Variants in ARHGAP44 observed in about 807,000 individuals in gnomAD.
The protein encoded by ARHGAP44 is rho GTPase-activating protein 44.
ARHGAP44 carries 43 observed loss-of-function variants against 106.8 expected under a neutral mutation model. The observed-to-expected ratio is 0.40, with a 90% CI of 0.32 to 0.52. ARHGAP44 has a LOEUF of 0.52. ARHGAP44 is among the 20% of genes least tolerant of loss of function. The probability of loss-of-function intolerance (pLI) is 0.48; values close to 1 mark genes in which losing one functional copy is unlikely to be tolerated. For synonymous variants in ARHGAP44, 439 were observed against 410.3 expected, an observed-to-expected ratio of 1.07 and a Z score of -0.85; for missense variants, 866 against 1,050.5, an observed-to-expected ratio of 0.82 and a Z score of 2.43.
At chr17:12,819,704 A>G (rs1435405643) in intron 1 of ARHGAP44, among the ~76,000 whole-genome samples, 1 of 151,838 alleles carries the variant, frequency 6.6e-6, no homozygotes, top group Non-Finnish European at 1.5e-5. Flanking sequence ...TTTATTGGAC[A>G]TTCAGGTGTC....
In ARHGAP44 at chr17:12,990,796, AAC is replaced by A. The variant is rs539508531; in HGVS notation, c.*627_*628del. 1.3e-5 allele frequency: 2 copies of A among 151,814 alleles called. No homozygotes were observed. The highest frequency in any genetic ancestry group is 2.9e-5 in the Non-Finnish European group (2 of 68,008). 9.4% of individuals were successfully genotyped at this position (151,814 alleles called of 1,614,324 possible). On this transcript the variant is annotated 3_prime_UTR_variant, in exon 21 of 21. Coordinates refer to ENST00000379672, the MANE Select transcript of ARHGAP44 (RefSeq NM_014859.6). ...TGAAAACAAAAATGTTTCACTTCCTAACAGTTTTCCTTTTTCCACTGTGTGAC... is the reference window on the plus strand; with the variant it reads ...TGAAAACAAAAATGTTTCACTTCCTAAGTTTTCCTTTTTCCACTGTGTGAC...
chr17:12,914,182 A>G (rs899072091), intron 4 of ARHGAP44, among the ~76,000 whole-genome samples: 1 of 152,208 alleles, frequency 6.6e-6, no homozygotes, highest in Non-Finnish European at 1.5e-5. Context: ...GAGGGATATT[A>G]AGTCTTACTA....
chr17:12,802,940 TATATATATATATATATATATATATATATA>T (rs1218682973), intron 1 of ARHGAP44, among the ~76,000 whole-genome samples: 7 of 12,184 alleles, frequency 5.7e-4, no homozygotes, highest in Admixed American at 7.7e-4. Flanking sequence ...TATATATATA[TATATATATATATATATATATATATATATA>T]TTTTTTTTTT....
intron 7 of ARHGAP44, among the ~76,000 whole-genome samples, chr17:12,930,875 A>C (rs562083544): frequency 5.9e-5 from 9 of 152,184 alleles, no homozygotes; most frequent in Admixed American, 3.3e-4. Flanking sequence ...CAGGGTAGAA[A>C]CCTCCCCACC....
At chr17:12,978,574 G>C (rs1598154648) in intron 18 of ARHGAP44, among the ~76,000 whole-genome samples, 1 of 152,140 alleles carries the variant, frequency 6.6e-6, no homozygotes, top group African/African-American at 2.4e-5. Flanking sequence ...TCTCACCTCA[G>C]TGGACGAGAG....
chr17:12,850,418 T>C (rs562595732), intron 1 of ARHGAP44, among the ~76,000 whole-genome samples: 3 of 149,288 alleles, frequency 2.0e-5, no homozygotes, highest in Admixed American at 6.6e-5. Flanking sequence ...CTCAGTTTCA[T>C]TGGCTCATAA....
At chr17:12,790,309 C>G (rs980874622) in intron 1 of ARHGAP44, 5 of 180,634 alleles carry the variant, frequency 2.8e-5, no homozygotes, top group South Asian at 1.2e-4. Flanking sequence ...TCCCCTGCGC[C>G]GAGTTCAGGG....
At chr17:12,939,834 C>T (rs1311276143) in intron 7 of ARHGAP44, among the ~76,000 whole-genome samples, 2 of 152,242 alleles carry the variant, frequency 1.3e-5, no homozygotes. Flanking sequence ...ATTGTCTAAT[C>T]TGTACTTCAA....
At chr17:12,941,618 T>C (rs1039012232) in intron 8 of ARHGAP44, among the ~76,000 whole-genome samples, 2 of 152,226 alleles carry the variant, frequency 1.3e-5, no homozygotes, top group Admixed American at 6.5e-5. Flanking sequence ...TCCTTCCCCC[T>C]GCACATTTTC....
intron 1 of ARHGAP44, among the ~76,000 whole-genome samples, chr17:12,839,170 G>A: frequency 6.6e-6 from 1 of 152,166 alleles, no homozygotes; most frequent in East Asian, 1.9e-4. Flanking sequence ...ACAAGTGAAA[G>A]GAAGATTGGC....
chr17:12,819,316 T>C (rs1285462288), intron 1 of ARHGAP44, among the ~76,000 whole-genome samples: 1 of 152,120 alleles, frequency 6.6e-6, no homozygotes, highest in Non-Finnish European at 1.5e-5. Flanking sequence ...AAATATGCCA[T>C]AATTTGTTTA....
intron 1 of ARHGAP44, among the ~76,000 whole-genome samples, chr17:12,882,371 G>A (rs1238248958): frequency 1.3e-5 from 2 of 151,882 alleles, no homozygotes; most frequent in African/African-American, 2.4e-5. Context: ...GATTACTTTG[G>A]ATTATCTTTG....
intron 3 of ARHGAP44, among the ~76,000 whole-genome samples, chr17:12,908,089 A>C (rs1029871152): frequency 6.7e-6 from 1 of 149,458 alleles, no homozygotes; most frequent in Non-Finnish European, 1.5e-5. Context: ...TTGGCCATCT[A>C]TCTTTTTTGG....
At chr17:12,903,486 C>G (rs572355065) in intron 3 of ARHGAP44, among the ~76,000 whole-genome samples, 13 of 152,268 alleles carry the variant, frequency 8.5e-5, no homozygotes, top group African/African-American at 3.1e-4. Flanking sequence ...GGGATTGGGA[C>G]TGGCTTTGTC....
chr17:12,958,807 A>G lies in ARHGAP44; in HGVS notation c.1433A>G (p.Asp478Gly). The G allele has an allele frequency of 1.9e-6, 3 of 1,608,942 alleles. No homozygotes were observed. The highest frequency in any genetic ancestry group is 2.5e-6 in the Non-Finnish European group (3 of 1,178,580). The change falls in exon 16 of 21, where the codon GAC becomes GGC. Residue 478 changes from aspartate to glycine, a missense_variant. Around this residue, in one of 2 missense-constraint regions of ARHGAP44, gnomAD observed 448 missense variants for 646.9 expected, o/e 0.69. Transcript: ENST00000379672. The surrounding 1 kb of genome is among the most constrained non-coding windows in gnomAD (Gnocchi z 4.1). ...NYSSMPSPDM[D>G]PADRRQPEQA... ...AGCTCAATGCCCTCCCCAGACATGG[A>G]CCCTGCTGACCGGCGCCAGCCCGAG...
chr17:12,804,362 G>A (rs1188649396), intron 1 of ARHGAP44, among the ~76,000 whole-genome samples: 1 of 152,176 alleles, frequency 6.6e-6, no homozygotes, highest in African/African-American at 2.4e-5. Flanking sequence ...CCAGAAAGTA[G>A]GATTATGATG....
Position 12,974,276 on chromosome 17 carries a change from GGCCTGGGCCTCCA to G in ARHGAP44, c.1739_1751del (p.Leu580ProfsTer109). ...CGCGGCCCCCGCGCTCTCTCCATCC[GGCCTGGGCCTCCA>G]GCCTGGGCCCGAGCGCACCAGGTAA... On this transcript the variant is annotated frameshift_variant, in exon 18 of 21. Transcript: ENST00000379672. LOFTEE classifies it high-confidence loss of function. 1 of 1,483,844 alleles carries G rather than the reference GGCCTGGGCCTCCA, an allele frequency of 6.7e-7. No individual in the cohort carries two copies. Among genetic ancestry groups the G allele is most frequent in the Admixed American group, 2.5e-5 (1 of 40,062 alleles). The allele number at this position is 1,483,844 out of a possible 1,614,324, so 91.9% of individuals were successfully genotyped here.
chr17:12,867,212 G>C (rs1182047788), intron 1 of ARHGAP44, among the ~76,000 whole-genome samples: 1 of 151,766 alleles, frequency 6.6e-6, no homozygotes, highest in African/African-American at 2.4e-5. Context: ...GATTATGGGG[G>C]ATGGGGAAGG....
chr17:12,854,968 A>G (rs1261883206), intron 1 of ARHGAP44, among the ~76,000 whole-genome samples: 2 of 143,666 alleles, frequency 1.4e-5, no homozygotes, highest in Non-Finnish European at 1.5e-5. Context: ...CAAAAAAAAA[A>G]AAAAAAAAAA....
Sources: allele counts gnomAD v4.1 joint callset (sites outside exome capture counted in the v4.1 genomes callset), GRCh38; gene constraint gnomAD v4.1.1; regional missense constraint gnomAD v4.1.1; non-coding constraint Gnocchi (gnomAD v3.1); transcripts MANE v1.5; gene names NCBI Gene and HGNC (gene_info 2026-07-23, HGNC 2026-07-21).